Variants in RANBP2 observed in about 807,000 individuals in gnomAD.
RANBP2 encodes E3 SUMO-protein ligase RanBP2.
A neutral mutation model predicts 303.6 loss-of-function variants in RANBP2; 57 were observed. The observed-to-expected ratio is 0.19, with a 90% confidence interval of 0.15 to 0.23. The LOEUF (loss-of-function observed/expected upper bound fraction) is 0.23. RANBP2 is among the 10% of genes least tolerant of loss of function. RANBP2 has a pLI of 1.00. For missense variants in RANBP2, 3,138 were observed against 3,780.8 expected (o/e 0.83, Z 4.46); for synonymous variants, 1,167 against 1,301.5 (o/e 0.90, Z 2.23).
At chr2:109,433,482 A>G in the RANBP2 span, among the ~76,000 whole-genome samples, 2 of 152,230 alleles carry the variant, frequency 1.3e-5, no homozygotes, top group African/African-American at 2.4e-5. Context: ...AGTCAGCCTC[A>G]CTCACAGAAG....
Position 108,731,424 on chromosome 2 carries a change from G to A in RANBP2, c.355G>A (p.Glu119Lys). 1 of 1,611,516 alleles carries A rather than the reference G, an allele frequency of 6.2e-7. No homozygotes were observed. The highest frequency in any genetic ancestry group is 8.5e-7 in the Non-Finnish European group (1 of 1,179,568). The change falls in exon 4 of 29, where the codon GAA becomes AAA. Residue 119 changes from glutamate to lysine, a missense_variant. Glu to Lys is a moderately conservative substitution (Grantham distance 56). Around this residue, in one of 20 missense-constraint regions of RANBP2, gnomAD observed 306 missense variants for 381.9 expected, o/e 0.80. Coordinates refer to ENST00000283195, the MANE Select transcript of RANBP2 (RefSeq NM_006267.5). ...VTDGRAKYWL[E>K]RAAKLFPGSP... Reference sequence around the variant, plus strand: ...TGATGGAAGAGCAAAATACTGGCTTGAAAGAGCAGCCAAACTTTTCCCAGG... The same window carrying A: ...TGATGGAAGAGCAAAATACTGGCTTAAAAGAGCAGCCAAACTTTTCCCAGG...
chr2:109,651,728 T>G, the RANBP2 span, among the ~76,000 whole-genome samples: 1 of 152,218 alleles, frequency 6.6e-6, no homozygotes, highest in Admixed American at 6.5e-5. Flanking sequence ...CAAGGAGGCC[T>G]GGGAAGAAGT....
intron 4 of RANBP2, among the ~76,000 whole-genome samples, chr2:108,733,557 A>T (rs1201081908): frequency 6.6e-6 from 1 of 152,180 alleles, no homozygotes; most frequent in Non-Finnish European, 1.5e-5. Flanking sequence ...CCAAAGATAA[A>T]TATTACTGAT....
the RANBP2 span, among the ~76,000 whole-genome samples, chr2:109,111,428 G>A: frequency 2.0e-5 from 3 of 151,826 alleles, no homozygotes; most frequent in Non-Finnish European, 2.9e-5. Flanking sequence ...AAACTGTAGG[G>A]AATGAATCAT....
the RANBP2 span, among the ~76,000 whole-genome samples, chr2:109,609,289 AT>A: frequency 6.6e-6 from 1 of 152,248 alleles, no homozygotes; most frequent in South Asian, 2.1e-4. Context: ...ATATAAAAAA[AT>A]AATGCCTGTC....
At chr2:108,949,730 A>AAC in the RANBP2 span, among the ~76,000 whole-genome samples, 1 of 152,208 alleles carries the variant, frequency 6.6e-6, no homozygotes, top group Non-Finnish European at 1.5e-5. Flanking sequence ...TGCCATATGG[A>AAC]ACATGCATGT....
chr2:109,051,079 C>T, the RANBP2 span, among the ~76,000 whole-genome samples: 1 of 152,184 alleles, frequency 6.6e-6, no homozygotes, highest in Non-Finnish European at 1.5e-5. Flanking sequence ...CTCTGAAATG[C>T]ATGCTTCCTT....
At chr2:108,949,794 GGTAT>G in the RANBP2 span, among the ~76,000 whole-genome samples, 1 of 152,114 alleles carries the variant, frequency 6.6e-6, no homozygotes, top group East Asian at 1.9e-4. Flanking sequence ...AAGATGATGA[GGTAT>G]GTAGCCAATG....
chr2:108,839,324 T>C, the RANBP2 span: 1 of 1,588,840 alleles, frequency 6.3e-7, no homozygotes, highest in Non-Finnish European at 8.6e-7. Context: ...TAGGAATTTA[T>C]CTATAAGTAA....
chr2:108,946,572 G>A, the RANBP2 span, among the ~76,000 whole-genome samples: 1 of 152,206 alleles, frequency 6.6e-6, no homozygotes, highest in Non-Finnish European at 1.5e-5. Flanking sequence ...AAGAAAGAAG[G>A]TTTAATTGAC....
chr2:109,315,751 G>T, the RANBP2 span, among the ~76,000 whole-genome samples: 13 of 152,330 alleles, frequency 8.5e-5, no homozygotes, highest in South Asian at 2.7e-3. Flanking sequence ...TCTGGCTATT[G>T]TGACATTTAG....
At chr2:109,696,270 TAA>T in the RANBP2 span, among the ~76,000 whole-genome samples, 1 of 152,318 alleles carries the variant, frequency 6.6e-6, no homozygotes. Context: ...ACCAAGATAA[TAA>T]AGACTTTCTC....
At chr2:109,106,230 T>A in the RANBP2 span, among the ~76,000 whole-genome samples, 1 of 152,150 alleles carries the variant, frequency 6.6e-6, no homozygotes, top group African/African-American at 2.4e-5. Flanking sequence ...TCACTCTGCC[T>A]TATGCCCCTT....
chr2:109,061,980 C>T, the RANBP2 span, among the ~76,000 whole-genome samples: 2 of 152,118 alleles, frequency 1.3e-5, no homozygotes, highest in Non-Finnish European at 2.9e-5. Context: ...CATTAGGGTC[C>T]CAAATGTCCA....
Position 108,783,383 on chromosome 2 carries a change from A to T in RANBP2, c.9370-213A>T, listed in dbSNP as rs1194297862. Among the ~76,000 whole-genome samples, 4 of 148,900 alleles carry T rather than the reference A, an allele frequency of 2.7e-5. No homozygotes were observed. In the East Asian group the frequency reaches 7.8e-4, roughly 29 times the overall value. On this transcript the variant is annotated intron_variant, in intron 28 of 28. Transcript: ENST00000283195. ...AAAAATCAAATTTTCAGTACTTGAGATCTAGTAGAAACTAAGGGATGGGAA... is the reference window on the plus strand; with the variant it reads ...AAAAATCAAATTTTCAGTACTTGAGTTCTAGTAGAAACTAAGGGATGGGAA...
the RANBP2 span, among the ~76,000 whole-genome samples, chr2:109,062,051 G>A: frequency 8.5e-5 from 13 of 152,296 alleles, no homozygotes; most frequent in Admixed American, 7.8e-4. Context: ...GGCTTGCAGG[G>A]GAGGGAGGCA....
the RANBP2 span, among the ~76,000 whole-genome samples, chr2:108,846,397 C>G: frequency 6.6e-6 from 1 of 152,038 alleles, no homozygotes; most frequent in East Asian, 1.9e-4. Flanking sequence ...TAGTTATTGG[C>G]CAGGCACAGT....
chr2:109,615,055 G>A, the RANBP2 span: 2 of 1,548,928 alleles, frequency 1.3e-6, no homozygotes, highest in Non-Finnish European at 1.7e-6. Flanking sequence ...GCGGACAGGG[G>A]CAGCTCCCTT....
At chr2:108,978,937 T>C in the RANBP2 span, among the ~76,000 whole-genome samples, 1 of 152,144 alleles carries the variant, frequency 6.6e-6, no homozygotes, top group East Asian at 1.9e-4. Flanking sequence ...TTGAAAGCTT[T>C]CCAAAAGGAA....
Sources: allele counts gnomAD v4.1 joint callset (sites outside exome capture counted in the v4.1 genomes callset), GRCh38; gene constraint gnomAD v4.1.1; regional missense constraint gnomAD v4.1.1; transcripts MANE v1.5; gene names NCBI Gene and HGNC (gene_info 2026-07-23, HGNC 2026-07-21).